KAZN: variants seen among roughly 807,000 people sequenced by gnomAD.
KAZN encodes the protein kazrin.
KAZN carries 40 observed loss-of-function variants against 87.4 expected under a neutral mutation model. The ratio of observed to expected loss-of-function variants is 0.46; its 90% CI spans 0.36 to 0.60. KAZN has a LOEUF of 0.60. Ranked by LOEUF, KAZN falls within the 20% of genes least tolerant of loss-of-function variation. The pLI, the probability that KAZN is intolerant of heterozygous loss-of-function variation, is 0.00. For missense variants in KAZN, 898 were observed against 1,073.9 expected (o/e 0.84, Z 2.29); for synonymous variants, 466 against 458.3 (o/e 1.02, Z -0.22).
intron 2 of KAZN, among the ~76,000 whole-genome samples, chr1:14,278,010 G>A (rs1040812026): frequency 6.6e-6 from 1 of 151,238 alleles, no homozygotes; most frequent in African/African-American, 2.4e-5. Flanking sequence ...AACCTGACTG[G>A]TCTCATCAGG....
chr1:14,429,930 C>G (rs1438368462), intron 2 of KAZN, among the ~76,000 whole-genome samples: 1 of 152,050 alleles, frequency 6.6e-6, no homozygotes. Flanking sequence ...CTTTATTATG[C>G]TCCACATGAT....
intron 2 of KAZN, among the ~76,000 whole-genome samples, chr1:14,414,642 G>A (rs1664598093): frequency 6.6e-6 from 1 of 152,066 alleles, no homozygotes; most frequent in African/African-American, 2.4e-5. Context: ...GTGTGTGTGT[G>A]TTATACGTAT....
intron 8 of KAZN, among the ~76,000 whole-genome samples, chr1:15,071,949 A>G (rs2100594327): frequency 6.6e-6 from 1 of 152,278 alleles, no homozygotes; most frequent in East Asian, 1.9e-4. Flanking sequence ...AGAACCTATA[A>G]AATTGCGTGC....
chr1:15,021,321 A>G lies in KAZN; in HGVS notation c.419-13428A>G, dbSNP rs974034732. Among the ~76,000 whole-genome samples, 1 of 152,230 alleles carries G rather than the reference A, an allele frequency of 6.6e-6. No homozygotes were observed. Among genetic ancestry groups the G allele is most frequent in the East Asian group, 1.9e-4 (1 of 5,170 alleles). On this transcript the variant is annotated intron_variant, in intron 2 of 14. Transcript: ENST00000376030. The surrounding 1 kb of genome is among the most constrained non-coding windows in gnomAD (Gnocchi z 4.2). ...GTGTGGGGCATGGGGCCTGAGGCTG[A>G]TATTGCATTTCCAGAAATCTCCATT...
At chr1:14,406,457 G>GA (rs1663860224) in intron 2 of KAZN, among the ~76,000 whole-genome samples, 1 of 151,918 alleles carries the variant, frequency 6.6e-6, no homozygotes, top group Non-Finnish European at 1.5e-5. Flanking sequence ...CCCAAACATC[G>GA]AATGTTCTCA....
At chr1:14,666,707 G>T (rs1357780498) in intron 1 of KAZN, among the ~76,000 whole-genome samples, 1 of 151,988 alleles carries the variant, frequency 6.6e-6, no homozygotes, top group Non-Finnish European at 1.5e-5. Flanking sequence ...TCCCTTTCAC[G>T]GGGCCTTCTC....
At chr1:14,205,725 A>C (rs953048463) in intron 2 of KAZN, among the ~76,000 whole-genome samples, 3 of 151,872 alleles carry the variant, frequency 2.0e-5, no homozygotes, top group African/African-American at 7.3e-5. Flanking sequence ...TCTACAAAAA[A>C]TGCAAAATAA....
At chr1:14,044,614 G>A (rs1371030567) in intron 1 of KAZN, among the ~76,000 whole-genome samples, 1 of 152,070 alleles carries the variant, frequency 6.6e-6, no homozygotes, top group Admixed American at 6.6e-5. Flanking sequence ...ATTAAGAGTG[G>A]TAAGTAATAT....
At chr1:14,691,942 T>C (rs1335778701) in intron 1 of KAZN, among the ~76,000 whole-genome samples, 1 of 149,346 alleles carries the variant, frequency 6.7e-6, no homozygotes, top group Non-Finnish European at 1.5e-5. Context: ...TTTTTTTTTT[T>C]TACGATGAAT....
At chr1:14,024,765 A>T (rs1429519024) in intron 1 of KAZN, among the ~76,000 whole-genome samples, 1 of 152,098 alleles carries the variant, frequency 6.6e-6, no homozygotes, top group African/African-American at 2.4e-5. Flanking sequence ...GGGCTATTCA[A>T]AGTTGAGGAT....
At chr1:13,893,985 T>C (rs1475770178) in intron 1 of KAZN, among the ~76,000 whole-genome samples, 1 of 152,186 alleles carries the variant, frequency 6.6e-6, no homozygotes, top group Non-Finnish European at 1.5e-5. Context: ...CGCGCTGCTT[T>C]TGCAATGAGT....
chr1:13,908,907 T>A (rs1479130436), intron 1 of KAZN, among the ~76,000 whole-genome samples: 1 of 152,080 alleles, frequency 6.6e-6, no homozygotes, highest in South Asian at 2.1e-4. Context: ...AATAAACACA[T>A]GTTTTATGAG....
intron 12 of KAZN, 24 bp downstream of exon 12, chr1:15,103,484 GGT>G (rs1157611563): frequency 1.4e-6 from 2 of 1,479,692 alleles, no homozygotes; most frequent in Non-Finnish European, 1.8e-6. Context: ...CGGAGGTCGG[GGT>G]GACTCTCGGG....
intron 2 of KAZN, among the ~76,000 whole-genome samples, chr1:14,477,273 G>A (rs1193549697): frequency 6.6e-6 from 1 of 152,186 alleles, no homozygotes; most frequent in Admixed American, 6.5e-5. Context: ...CGTAAGATGT[G>A]ACTTGCTCCT....
At chr1:14,329,100 G>C (rs909177314) in intron 2 of KAZN, among the ~76,000 whole-genome samples, 2 of 152,118 alleles carry the variant, frequency 1.3e-5, no homozygotes, top group Non-Finnish European at 2.9e-5. Flanking sequence ...CCAGGTGCTG[G>C]AACAATGTTG....
Position 14,864,610 on chromosome 1 carries a change from G to A in KAZN, c.227-96074G>A, listed in dbSNP as rs936641635. Among the ~76,000 whole-genome samples the A allele has an allele frequency of 2.6e-5, 4 of 152,222 alleles. No homozygotes were observed. In the East Asian group the frequency reaches 7.7e-4, roughly 29 times the overall value. On this transcript the variant is annotated intron_variant, in intron 1 of 14. Coordinates refer to ENST00000376030, the MANE Select transcript of KAZN (RefSeq NM_201628.3). The stretch of plus-strand genomic sequence containing the variant: ...TGGGCTTTGCTAAGTGGGTATAAAG[G>A]TGGGACGGACACAGCCCTAAACCTT...
intron 2 of KAZN, among the ~76,000 whole-genome samples, chr1:14,445,412 A>G (rs1666932624): frequency 6.6e-6 from 1 of 152,176 alleles, no homozygotes. Context: ...GCCGAGAAGG[A>G]AGTAATCCAT....
rs77745210 is a variant in KAZN at position 14,321,058 on chromosome 1, A to C, written c.249+140466A>C. The stretch of plus-strand genomic sequence containing the variant: ...TCATATTCTCTGGAATTAACAGTAA[A>C]AGTCACAAAAATGTGCGGTAGCATT... On this transcript the variant is annotated intron_variant, in intron 2 of 16. Transcript: ENST00000636203. 7.6e-3 allele frequency among the ~76,000 whole-genome samples: 1,159 copies of C among 152,314 alleles called. 9 individuals carry two copies. Among genetic ancestry groups the C allele is most frequent in the African/African-American group, 0.027 (1,104 of 41,556 alleles).
chr1:13,920,956 C>A (rs1035790753), intron 1 of KAZN, among the ~76,000 whole-genome samples: 1 of 152,096 alleles, frequency 6.6e-6, no homozygotes, highest in Non-Finnish European at 1.5e-5. Context: ...AGATGTACAG[C>A]TCAGAGGAAT....
Sources: allele counts gnomAD v4.1 joint callset (sites outside exome capture counted in the v4.1 genomes callset), GRCh38; gene constraint gnomAD v4.1.1; non-coding constraint Gnocchi (gnomAD v3.1); transcripts MANE v1.5; gene names NCBI Gene and HGNC (gene_info 2026-07-23, HGNC 2026-07-21).